Variants in IL1RL1 observed in about 807,000 individuals in gnomAD.
IL1RL1 encodes the protein interleukin 1 receptor like 1, also known as interleukin-1 receptor-like 1.
In IL1RL1, 32 loss-of-function variants were observed where a neutral mutation model predicts 50.9. That is an observed-to-expected ratio of 0.63 (90% CI 0.47 to 0.84). The LOEUF (loss-of-function observed/expected upper bound fraction) is 0.84. Among genes scored for constraint, IL1RL1 ranks in the 40% least tolerant of loss-of-function variants. The probability of loss-of-function intolerance (pLI) is 0.00; values close to 1 mark genes in which losing one functional copy is unlikely to be tolerated. For synonymous variants in IL1RL1, 275 were observed against 236.0 expected (o/e 1.17, Z -1.51); for missense variants, 773 against 662.9 (o/e 1.17, Z -1.82).
chr2:102,311,826 ATATATAT>A (rs1347270404), intron 1 of IL1RL1, among the ~76,000 whole-genome samples: 2 of 96,344 alleles, frequency 2.1e-5, no homozygotes, highest in African/African-American at 8.8e-5. Context: ...CAATTATATA[ATATATAT>A]TATATAATTG....
chr2:102,323,119 G>C (rs544057004), intron 1 of IL1RL1, among the ~76,000 whole-genome samples: 1 of 151,494 alleles, frequency 6.6e-6, no homozygotes, highest in African/African-American at 2.4e-5. Flanking sequence ...TTTAATTTTT[G>C]GTATTATGAG....
At chr2:102,345,610 G>A (rs1047545359) in intron 8 of IL1RL1, 4 of 985,348 alleles carry the variant, frequency 4.1e-6, no homozygotes, top group Admixed American at 6.2e-5. Flanking sequence ...CCAATATGGT[G>A]TAATCGTGGC....
intron 10 of IL1RL1, 107 bp from the exon 11 acceptor site, chr2:102,351,429 A>G: frequency 9.9e-7 from 1 of 1,008,662 alleles, no homozygotes; most frequent in Non-Finnish European, 1.4e-6. Context: ...ACTTGATGTC[A>G]GAGAATCTCA....
chr2:102,312,016 A>ATATCTT (rs1676524698), intron 1 of IL1RL1, among the ~76,000 whole-genome samples: 1 of 33,032 alleles, frequency 3.0e-5, no homozygotes, highest in African/African-American at 1.5e-4. Context: ...TATATATTAT[A>ATATCTT]TATAATATAT....
At chr2:102,347,736 C>T (rs1677823143) in intron 8 of IL1RL1, among the ~76,000 whole-genome samples, 1 of 152,094 alleles carries the variant, frequency 6.6e-6, no homozygotes, top group Non-Finnish European at 1.5e-5. Flanking sequence ...GCCTCTTTTG[C>T]CTTTGAGAAT....
intron 1 of IL1RL1, among the ~76,000 whole-genome samples, chr2:102,334,520 C>T (rs1442669269): frequency 1.3e-5 from 2 of 151,924 alleles, no homozygotes; most frequent in African/African-American, 4.8e-5. Flanking sequence ...GTCCTGAAAA[C>T]ATTTTCATCA....
Position 102,349,128 on chromosome 2 carries a change from C to G in IL1RL1, c.1167C>G (p.Ser389=). 6.2e-7 allele frequency: 1 copy of G among 1,613,494 alleles called. No individual in the cohort carries two copies. Among genetic ancestry groups the G allele is most frequent in the Non-Finnish European group, 8.5e-7 (1 of 1,179,448 alleles). The part of the protein sequence containing the change: ...AYVVYPRNYK[S]STDGASRVEH... ...TTGTCTACCCACGGAACTACAAATC[C>G]AGTACAGATGGGGCCAGTCGTGTAG... The change falls in exon 10 of 11, where the codon TCC becomes TCG. Residue 389 remains serine (S), a synonymous_variant. Transcript: ENST00000233954.
At chr2:102,333,256 A>G (rs1677223048) in intron 1 of IL1RL1, among the ~76,000 whole-genome samples, 1 of 152,184 alleles carries the variant, frequency 6.6e-6, no homozygotes, top group African/African-American at 2.4e-5. Flanking sequence ...AATCCAAGTG[A>G]GAGACCATGG....
chr2:102,318,577 C>T (rs539212258), intron 1 of IL1RL1, among the ~76,000 whole-genome samples: 22 of 152,210 alleles, frequency 1.4e-4, no homozygotes, highest in East Asian at 5.8e-4. Flanking sequence ...AAAGTGTGGA[C>T]GGCAGGTGTA....
chr2:102,343,702 G>A (rs1249528623), intron 8 of IL1RL1: 2 of 1,338,358 alleles, frequency 1.5e-6, no homozygotes, highest in Non-Finnish European at 1.9e-6. Flanking sequence ...CTAACTTTAT[G>A]AACTCCCTCT....
At chr2:102,338,449 T>G (rs533330972) in intron 2 of IL1RL1, 124 bp downstream of exon 2, 1 of 556,000 alleles carries the variant, frequency 1.8e-6, no homozygotes, top group Non-Finnish European at 3.1e-6. Context: ...AAAAATATAT[T>G]GCTTTTGTAC....
chr2:102,339,327 A>C (rs1039662155), intron 3 of IL1RL1: 1 of 325,832 alleles, frequency 3.1e-6, no homozygotes, highest in Non-Finnish European at 5.7e-6. Flanking sequence ...AACTGAGAGC[A>C]ATTGCTTACT....
At chr2:102,348,180 C>A in intron 9 of IL1RL1, 89 bp downstream of exon 9, 2 of 1,027,584 alleles carry the variant, frequency 1.9e-6, no homozygotes, top group Non-Finnish European at 2.9e-6. Flanking sequence ...AGTAGCTAGG[C>A]TGCTAAGCCC....
In IL1RL1 at chr2:102,352,000, A is replaced by C; in HGVS notation, c.*79A>C. 7.5e-7 allele frequency: 1 copy of C among 1,327,798 alleles called. No individual in the cohort carries two copies. The highest frequency in any genetic ancestry group is 2.3e-5 in the East Asian group (1 of 43,442). 82.3% of individuals were successfully genotyped at this position (1,327,798 alleles called of 1,614,324 possible). A position where few individuals can be genotyped will look rare whatever the true frequency, so the allele number is the denominator to read the frequency against. ...TAGCTGGCTTATGCCCCTGCACTGAAGTGTGAGGAGCAGGAATATTAAAGG... is the reference window on the plus strand; with the variant it reads ...TAGCTGGCTTATGCCCCTGCACTGACGTGTGAGGAGCAGGAATATTAAAGG... On this transcript the variant is annotated 3_prime_UTR_variant, in exon 11 of 11. Transcript: ENST00000233954.
intron 1 of IL1RL1, among the ~76,000 whole-genome samples, 153 bp downstream of exon 1, chr2:102,311,776 AT>A (rs1676480041): frequency 8.5e-6 from 1 of 117,638 alleles, no homozygotes; most frequent in East Asian, 2.2e-4. Context: ...ATAATATATA[AT>A]TGTTATAACA....
At chr2:102,311,958 TATTATATATA>T (rs1676505819) in intron 1 of IL1RL1, among the ~76,000 whole-genome samples, 2 of 30,580 alleles carry the variant, frequency 6.5e-5, no homozygotes, top group African/African-American at 3.3e-4. Flanking sequence ...ATATAATATA[TATTATATATA>T]ATATTATATA....
At chr2:102,342,374 A>G (rs1573155823) in intron 6 of IL1RL1, 80 bp downstream of exon 6, 1 of 989,784 alleles carries the variant, frequency 1.0e-6, no homozygotes, top group Non-Finnish European at 1.6e-6. Flanking sequence ...TTCCCTTAGC[A>G]GGGGTCAGGC....
chr2:102,331,663 A>T (rs1677182444), intron 1 of IL1RL1, among the ~76,000 whole-genome samples: 1 of 152,210 alleles, frequency 6.6e-6, no homozygotes, highest in South Asian at 2.1e-4. Context: ...CGGGGTAGAG[A>T]TGTAAGAGCA....
intron 1 of IL1RL1, 132 bp from the exon 2 acceptor site, chr2:102,337,984 A>C: frequency 4.2e-6 from 1 of 240,454 alleles, no homozygotes; most frequent in Non-Finnish European, 7.9e-6. Context: ...TGCATATCTG[A>C]AACCTGCTGT....
Sources: allele counts gnomAD v4.1 joint callset (sites outside exome capture counted in the v4.1 genomes callset), GRCh38; gene constraint gnomAD v4.1.1; transcripts MANE v1.5; gene names NCBI Gene and HGNC (gene_info 2026-07-23, HGNC 2026-07-21).